The following ISG20 variants were observed in gnomAD, a reference collection of about 807,000 sequenced individuals.
The protein encoded by ISG20 is interferon stimulated exonuclease gene 20.
A neutral mutation model predicts 11.1 loss-of-function variants in ISG20; 8 were observed. The ratio of observed to expected loss-of-function variants is 0.72; its 90% CI spans 0.42 to 1.30. ISG20 has a LOEUF of 1.30. ISG20 is among the 50% of genes most tolerant of loss of function. The pLI, the probability that ISG20 is intolerant of heterozygous loss-of-function variation, is 0.01. For synonymous variants in ISG20, 110 were observed against 101.7 expected, an observed-to-expected ratio of 1.08 and a Z score of -0.49; for missense variants, 243 against 250.2, an observed-to-expected ratio of 0.97 and a Z score of 0.19.
intron 3 of ISG20, among the ~76,000 whole-genome samples, chr15:88,653,219 C>G (rs1443278950): frequency 6.6e-6 from 1 of 152,078 alleles, no homozygotes; most frequent in Non-Finnish European, 1.5e-5. Flanking sequence ...TGGCCCTTAA[C>G]CAGATCATCA....
Position 88,639,561 on chromosome 15 carries a change from G to A in ISG20, c.195G>A (p.Val65=), listed in dbSNP as rs763137569. 4 of 1,614,174 alleles carry A rather than the reference G, an allele frequency of 2.5e-6. No homozygotes were observed. Among genetic ancestry groups the A allele is most frequent in the East Asian group, 2.2e-5 (1 of 44,866 alleles). ...RVSGVTPQHM[V]GATPFAVARL... is the part of the protein sequence containing the mutation. ...GCGGGGTCACCCCTCAGCACATGGT[G>A]GGGGCCACACCATTTGCCGTGGCCA... The change falls in exon 2 of 4, where the codon GTG becomes GTA. Residue 65 remains valine (V), a synonymous_variant. Coordinates refer to ENST00000306072, the MANE Select transcript of ISG20 (RefSeq NM_002201.6). This position sits in a 1 kb window ranked among gnomAD's most constrained non-coding sequence, Gnocchi z 4.2.
intron 2 of ISG20, chr15:88,649,893 G>A (rs1261107583): frequency 3.1e-6 from 1 of 326,116 alleles, no homozygotes; most frequent in Middle Eastern, 1.1e-3. Flanking sequence ...GGGGCAGGCT[G>A]GTGACACTGC....
rs2058369021 is a variant in ISG20 at position 88,655,946 on chromosome 15, C to T, written c.*415C>T. The T allele has an allele frequency of 6.3e-6, 1 of 158,094 alleles. No homozygotes were observed. The highest frequency in any genetic ancestry group is 2.4e-5 in the African/African-American group (1 of 41,602). The allele number at this position is 158,094 out of a possible 1,614,324, so 9.8% of individuals were successfully genotyped here. ...GCATTCAGCTCCTCTTGAGTTGGTG[C>T]CACAGCATTTGTGGGCTTTGAAGCA... On this transcript the variant is annotated 3_prime_UTR_variant, in exon 4 of 4. Coordinates refer to ENST00000306072, the MANE Select transcript of ISG20 (RefSeq NM_002201.6).
chr15:88,636,713 T>C (rs374578748), upstream of ISG20, among the ~76,000 whole-genome samples: 1 of 152,296 alleles, frequency 6.6e-6, no homozygotes, highest in South Asian at 2.1e-4. Context: ...TATTTTTTAA[T>C]TTTAGAGATG....
At chr15:88,651,178 G>A (rs1332558207) in intron 2 of ISG20, 2 of 984,350 alleles carry the variant, frequency 2.0e-6, no homozygotes, top group Non-Finnish European at 2.4e-6. Context: ...AGAGTGTCAA[G>A]GAATTTGCAA....
intron 2 of ISG20, chr15:88,651,038 C>G (rs2058264980): frequency 4.8e-6 from 1 of 210,252 alleles, no homozygotes; most frequent in Non-Finnish European, 8.2e-6. Context: ...GCTGGGATTA[C>G]AGACGTGAGA....
upstream of ISG20, among the ~76,000 whole-genome samples, chr15:88,638,039 A>T (rs923723753): frequency 6.6e-6 from 1 of 152,302 alleles, no homozygotes; most frequent in East Asian, 1.9e-4. Context: ...GAGGTTTGTT[A>T]AAGTTGGGCA....
At chr15:88,651,386 G>C in intron 2 of ISG20, 1 of 751,904 alleles carries the variant, frequency 1.3e-6, no homozygotes, top group African/African-American at 1.9e-5. Context: ...TCGAAGTTCA[G>C]CGTGGGTCTC....
chr15:88,639,726 GCCGGTGGTGTC>G lies in ISG20; in HGVS notation c.228+133_228+143del. On this transcript the variant is annotated intron_variant, in intron 2 of 3. Transcript: ENST00000306072. The surrounding 1 kb of genome is among the most constrained non-coding windows in gnomAD (Gnocchi z 4.2). Reference sequence around the variant, plus strand: ...TTTCCCACACTGCTGTTGGGAGAAAGCCGGTGGTGTCTCCATCACATCCTGGAGAAGGCTTC... The same window carrying G: ...TTTCCCACACTGCTGTTGGGAGAAAGTCCATCACATCCTGGAGAAGGCTTC... The G allele has an allele frequency of 1.5e-6, 1 of 689,026 alleles. No homozygotes were observed. The highest frequency in any genetic ancestry group is 2.5e-6 in the Non-Finnish European group (1 of 407,234). The allele number at this position is 689,026 out of a possible 1,614,324, so 42.7% of individuals were successfully genotyped here.
chr15:88,650,365 C>T lies in ISG20; in HGVS notation c.229-1745C>T, dbSNP rs2058253632. The T allele has an allele frequency of 3.8e-5, 58 of 1,532,872 alleles. No individual in the cohort carries two copies. The highest frequency in any genetic ancestry group is 4.8e-5 in the Non-Finnish European group (55 of 1,145,764). The allele number at this position is 1,532,872 out of a possible 1,614,324, so 95.0% of individuals were successfully genotyped here. A position where few individuals can be genotyped will look rare whatever the true frequency, so the allele number is the denominator to read the frequency against. ...CGGGGCTGGGGCAGTCACAGCTGGG[C>T]GCCTGGGCTGCTGGAGGCCTGGAGT... On this transcript the variant is annotated intron_variant, in intron 2 of 3. Transcript: ENST00000306072. This position sits in a 1 kb window ranked among gnomAD's most constrained non-coding sequence, Gnocchi z 4.0.
chr15:88,654,937 A>T (rs1423862515), intron 3 of ISG20, among the ~76,000 whole-genome samples: 2 of 151,616 alleles, frequency 1.3e-5, no homozygotes, highest in Non-Finnish European at 2.9e-5. Context: ...CCACCCTCGC[A>T]GGCCTCTTAT....
chr15:88,647,758 T>A (rs1393981240), intron 2 of ISG20: 5 of 152,220 alleles, frequency 3.3e-5, no homozygotes, highest in Non-Finnish European at 7.3e-5. Context: ...GTGAGTGAAT[T>A]CTCTTTTAAC....
At chr15:88,652,642 C>T in intron 3 of ISG20, among the ~76,000 whole-genome samples, 1 of 129,898 alleles carries the variant, frequency 7.7e-6, no homozygotes, top group East Asian at 2.3e-4. Context: ...TCCCTTTCCT[C>T]CTCCTCCCTC....
At chr15:88,647,313 C>T (rs964600615) in intron 2 of ISG20, 7 of 151,684 alleles carry the variant, frequency 4.6e-5, no homozygotes, top group African/African-American at 1.7e-4. Flanking sequence ...TTATGATCTT[C>T]TGACATCTCT....
intron 3 of ISG20, among the ~76,000 whole-genome samples, chr15:88,654,959 A>G (rs11073797): frequency 0.81 from 122,520 of 152,036 alleles, 49,570 homozygotes; most frequent in Middle Eastern, 0.9. Flanking sequence ...TTAGCTGCAC[A>G]TGCTCTCCCT....
upstream of ISG20, chr15:88,637,252 G>C (rs1158817593): frequency 6.6e-6 from 1 of 151,952 alleles, no homozygotes; most frequent in Non-Finnish European, 1.5e-5. Context: ...GCCTTAAATT[G>C]GATAGTGATG....
chr15:88,653,468 C>CGGAGTAGGGAACAGGGCTGA (rs1424754139), intron 3 of ISG20, among the ~76,000 whole-genome samples: 1 of 152,108 alleles, frequency 6.6e-6, no homozygotes, highest in African/African-American at 2.4e-5. Flanking sequence ...GAATCATGTC[C>CGGAGTAGGGAACAGGGCTGA]GGAGTAGGGA....
upstream of ISG20, among the ~76,000 whole-genome samples, chr15:88,637,081 C>T (rs952085752): frequency 6.6e-6 from 1 of 152,222 alleles, no homozygotes; most frequent in African/African-American, 2.4e-5. Flanking sequence ...CTTCCTGTCT[C>T]TTCCACCTGA....
In ISG20 at chr15:88,655,701, A is replaced by G; in HGVS notation, c.*170A>G. The stretch of plus-strand genomic sequence containing the variant: ...TCTCCAAGCTGGGTTAACAGTAGAC[A>G]GGACCCATTTCTGTGTGATGTTAGG... On this transcript the variant is annotated 3_prime_UTR_variant, in exon 4 of 4. Transcript: ENST00000306072. 1 of 547,608 alleles carries G rather than the reference A, an allele frequency of 1.8e-6. No individual in the cohort carries two copies. The highest frequency in any genetic ancestry group is 2.3e-5 in the South Asian group (1 of 43,256). The allele number at this position is 547,608 out of a possible 1,614,324, so 33.9% of individuals were successfully genotyped here. A position where few individuals can be genotyped will look rare whatever the true frequency, so the allele number is the denominator to read the frequency against.
Sources: gnomAD v4.1 joint callset for allele counts (sites outside exome capture counted in the v4.1 genomes callset) on GRCh38, gnomAD v4.1.1 for gene constraint, Gnocchi (gnomAD v3.1) non-coding constraint, MANE v1.5 for transcripts, NCBI Gene and HGNC (gene_info 2026-07-23, HGNC 2026-07-21) for gene names.